SLC45A4: variants seen among roughly 807,000 people sequenced by gnomAD.
SLC45A4 encodes the protein polyamine-transporter SLC45A4.
SLC45A4 carries 32 observed loss-of-function variants against 63.7 expected under a neutral mutation model. The observed-to-expected ratio is 0.50, with a 90% CI of 0.38 to 0.67. SLC45A4 has a LOEUF of 0.67. Ranked by LOEUF, SLC45A4 falls within the 30% of genes least tolerant of loss-of-function variation. The pLI is 0.00. For synonymous variants in SLC45A4, 535 were observed against 510.0 expected, an observed-to-expected ratio of 1.05 and a Z score of -0.66; for missense variants, 1,027 against 1,157.7, an observed-to-expected ratio of 0.89 and a Z score of 1.64.
At chr8:141,257,767 G>A (rs1018505054) in intron 1 of SLC45A4, among the ~76,000 whole-genome samples, 4 of 152,196 alleles carry the variant, frequency 2.6e-5, no homozygotes, top group African/African-American at 9.7e-5. Context: ...CATCTTATAG[G>A]CGGAGGCCAG....
chr8:141,278,073 C>T lies in SLC45A4; in HGVS notation c.-400-23444G>A, dbSNP rs780158342. Among the ~76,000 whole-genome samples, 6 of 152,206 alleles carry T rather than the reference C, an allele frequency of 3.9e-5. No homozygotes were observed. The highest frequency in any genetic ancestry group is 5.9e-5 in the Non-Finnish European group (4 of 68,040). ...ACAGATGCATGCCAACATCCATGTC[C>T]GACTTATAAGTCACTGTTTTAAATA... On this transcript the variant is annotated intron_variant, in intron 1 of 8. Coordinates refer to ENST00000517878, the MANE Select transcript of SLC45A4 (RefSeq NM_001286646.2). This position sits in a 1 kb window ranked among gnomAD's most constrained non-coding sequence, Gnocchi z 4.1.
At position 141,218,752 on chromosome 8, in the gene SLC45A4, GT is replaced by G. The variant is rs754281208; in HGVS notation, c.887del (p.Asp296AlafsTer83). 6.2e-7 allele frequency: 1 copy of G among 1,613,280 alleles called. No homozygotes were observed. The highest frequency in any genetic ancestry group is 1.7e-5 in the Admixed American group (1 of 60,028). On this transcript the variant is annotated frameshift_variant, in exon 5 of 9. Coordinates refer to ENST00000517878, the MANE Select transcript of SLC45A4 (RefSeq NM_001286646.2). LOFTEE classifies it high-confidence loss of function. ...EVQSEHELAL[D>X]YPDVDIMRSK... Reference sequence around the variant, plus strand: ...TGCGCATGATGTCCACGTCCGGGTAGTCCAGGGCCAGCTCGTGCTCCGACTG... The same window carrying G: ...TGCGCATGATGTCCACGTCCGGGTAGCCAGGGCCAGCTCGTGCTCCGACTG...
intron 1 of SLC45A4, among the ~76,000 whole-genome samples, chr8:141,265,421 T>C (rs1200159328): frequency 6.6e-6 from 1 of 152,204 alleles, no homozygotes; most frequent in Non-Finnish European, 1.5e-5. Flanking sequence ...GCGCGGGGCG[T>C]GTTCTCACAC....
At position 141,215,821 on chromosome 8, in the gene SLC45A4, C is replaced by T. The variant is rs760520189; in HGVS notation, c.1879G>A (p.Val627Ile). 3.0e-5 allele frequency: 49 copies of T among 1,613,980 alleles called. No homozygotes were observed. Among genetic ancestry groups the T allele is most frequent in the Middle Eastern group, 1.6e-4 (1 of 6,084 alleles). ...GGGCAGTAGGAGATGCTCATGGAGA[C>T]GATGCCCATGGTGCTGATGGTGACC... The part of the protein sequence containing the change: ...AMVTISTMGI[V>I]SMSISYCPYA... Residue 627 changes from valine (V) to isoleucine (I), a missense_variant, in exon 7 of 9, where the codon GTC (valine) becomes ATC (isoleucine). Val to Ile is a conservative substitution (Grantham distance 29, BLOSUM62 3). Coordinates refer to ENST00000517878, the MANE Select transcript of SLC45A4 (RefSeq NM_001286646.2). The surrounding 1 kb of genome is among the most constrained non-coding windows in gnomAD (Gnocchi z 4.3).
rs1829823177 is a variant in SLC45A4, at chr8:141,278,608, T to C, written c.-400-23979A>G. ...GAAGGAGAGACAGGCCTCTGCCCCC[T>C]AGCCACCAGCAGCTGAGTGCTGACC... On this transcript the variant is annotated intron_variant, in intron 1 of 8. Transcript: ENST00000517878. The surrounding 1 kb of genome is among the most constrained non-coding windows in gnomAD (Gnocchi z 4.1). 6.6e-6 allele frequency among the ~76,000 whole-genome samples: 1 copy of C among 152,164 alleles called. No individual in the cohort carries two copies.
intron 1 of SLC45A4, among the ~76,000 whole-genome samples, chr8:141,295,611 C>T (rs951365690): frequency 1.1e-4 from 17 of 152,266 alleles, no homozygotes; most frequent in South Asian, 6.2e-4. Flanking sequence ...CCCAGGGGGA[C>T]GCAGAAAACA....
At chr8:141,268,094 G>A (rs115352408) in intron 1 of SLC45A4, among the ~76,000 whole-genome samples, 3,780 of 152,310 alleles carry the variant, frequency 0.025, 68 homozygotes, top group Middle Eastern at 0.065. Flanking sequence ...AATAAACCGT[G>A]GAACATCCAG....
intron 1 of SLC45A4, among the ~76,000 whole-genome samples, chr8:141,258,421 T>C (rs1183982525): frequency 6.6e-6 from 1 of 152,222 alleles, no homozygotes; most frequent in Non-Finnish European, 1.5e-5. Context: ...AGCACCTTGT[T>C]TGCAAAGAGC....
In SLC45A4 at chr8:141,211,236, C is replaced by T. The variant is rs559857763; in HGVS notation, c.*336G>A. ...CGAATCAAAGTGCAGTGAAAGTCAACGTTTCCTTCCCCCTGACGTTGGGAG... is the reference window on the plus strand; with the variant it reads ...CGAATCAAAGTGCAGTGAAAGTCAATGTTTCCTTCCCCCTGACGTTGGGAG... On this transcript the variant is annotated 3_prime_UTR_variant, in exon 9 of 9. Coordinates refer to ENST00000517878, the MANE Select transcript of SLC45A4 (RefSeq NM_001286646.2). The T allele has an allele frequency of 2.0e-5, 9 of 443,566 alleles. No individual in the cohort carries two copies. The highest frequency in any genetic ancestry group is 1.2e-4 in the African/African-American group (6 of 49,308). 27.5% of individuals were successfully genotyped at this position (443,566 alleles called of 1,614,324 possible). A position where few individuals can be genotyped will look rare whatever the true frequency, so the allele number is the denominator to read the frequency against.
chr8:141,214,638 TGAA>T (rs1359892611), intron 7 of SLC45A4, among the ~76,000 whole-genome samples: 5 of 152,204 alleles, frequency 3.3e-5, no homozygotes, highest in Non-Finnish European at 7.3e-5. Context: ...AAGACAATCT[TGAA>T]GAAGAACAAA....
intron 2 of SLC45A4, chr8:141,228,066 G>GGGAGAGCTGTGTGGAGT: frequency 3.0e-6 from 4 of 1,312,898 alleles, no homozygotes; most frequent in Non-Finnish European, 4.3e-6. Flanking sequence ...GAGCCCTGAG[G>GGGAGAGCTGTGTGGAGT]GGAGAGCTGT....
intron 1 of SLC45A4, among the ~76,000 whole-genome samples, chr8:141,280,923 C>T (rs1006446109): frequency 6.6e-6 from 1 of 152,250 alleles, no homozygotes; most frequent in Non-Finnish European, 1.5e-5. Flanking sequence ...CAAGACCGGG[C>T]TGTGCGTCCT....
chr8:141,270,464 A>T (rs992096148), intron 1 of SLC45A4, among the ~76,000 whole-genome samples: 2 of 151,768 alleles, frequency 1.3e-5, no homozygotes, highest in Admixed American at 1.3e-4. Flanking sequence ...GCCTGAGCTC[A>T]GGAGTTCCAG....
intron 1 of SLC45A4, among the ~76,000 whole-genome samples, chr8:141,270,866 C>G (rs1328343234): frequency 6.6e-6 from 1 of 152,146 alleles, no homozygotes; most frequent in Admixed American, 6.5e-5. Context: ...CCAGCTCGTA[C>G]CTCCCTGTCT....
At chr8:141,305,279 A>G (rs1311202338) in intron 1 of SLC45A4, among the ~76,000 whole-genome samples, 1 of 152,166 alleles carries the variant, frequency 6.6e-6, no homozygotes, top group East Asian at 1.9e-4. Context: ...GGTCCTCTGC[A>G]TGAAAACCCA....
At chr8:141,288,316 A>G (rs1830225743) in intron 1 of SLC45A4, among the ~76,000 whole-genome samples, 1 of 152,226 alleles carries the variant, frequency 6.6e-6, no homozygotes, top group Non-Finnish European at 1.5e-5. Flanking sequence ...AGAAACAGAA[A>G]GTTCACAGAA....
intron 2 of SLC45A4, among the ~76,000 whole-genome samples, chr8:141,242,682 C>A (rs1014672779): frequency 6.6e-6 from 1 of 152,214 alleles, no homozygotes; most frequent in African/African-American, 2.4e-5. Context: ...CAAACTCCTC[C>A]ATTAGGCAGC....
At chr8:141,231,212 C>A (rs888058808) in intron 2 of SLC45A4, among the ~76,000 whole-genome samples, 5 of 152,294 alleles carry the variant, frequency 3.3e-5, no homozygotes, top group Admixed American at 3.3e-4. Context: ...TGGGAAGGAG[C>A]GCCGGAGACA....
In SLC45A4 at chr8:141,218,955, T is replaced by C. The variant is rs759564080; in HGVS notation, c.685A>G (p.Thr229Ala). Reference sequence around the variant, plus strand: ...AAGAAGAAGAGCACCTGGTTCTGGGTCCGGAACCAGCTGCCCAGGAAGGTC... The same window carrying C: ...AAGAAGAAGAGCACCTGGTTCTGGGCCCGGAACCAGCTGCCCAGGAAGGTC... ...TQTFLGSWFR[T>A]QNQVLFFFAA... The change falls in exon 5 of 9, where the codon ACC becomes GCC. Residue 229 changes from threonine to alanine, a missense_variant. Thr to Ala is a moderately conservative substitution (Grantham distance 58). Transcript: ENST00000517878. 6.2e-7 allele frequency: 1 copy of C among 1,613,508 alleles called. No homozygotes were observed. Among genetic ancestry groups the C allele is most frequent in the African/African-American group, 1.3e-5 (1 of 75,006 alleles).
Sources: allele counts gnomAD v4.1 joint callset (sites outside exome capture counted in the v4.1 genomes callset), GRCh38; gene constraint gnomAD v4.1.1; non-coding constraint Gnocchi (gnomAD v3.1); transcripts MANE v1.5; gene names NCBI Gene and HGNC (gene_info 2026-07-23, HGNC 2026-07-21).